Variants in ILDR1 observed in about 807,000 individuals in gnomAD.
ILDR1 encodes the protein immunoglobulin-like domain-containing receptor 1.
In ILDR1, 56 loss-of-function variants were observed where a neutral mutation model predicts 62.4. That is an observed-to-expected ratio of 0.90 (90% CI 0.72 to 1.12). The LOEUF is 1.12. ILDR1 is among the 50% of genes most tolerant of loss of function. The pLI is 0.00. For synonymous variants in ILDR1, 284 were observed against 277.8 expected (o/e 1.02, Z -0.22); for missense variants, 736 against 710.6 (o/e 1.04, Z -0.41).
the ILDR1 span, among the ~76,000 whole-genome samples, chr3:122,049,161 C>T: frequency 6.6e-6 from 1 of 152,140 alleles, no homozygotes. Context: ...TATGTTGTTG[C>T]ATTTCCACAT....
chr3:122,006,632 T>C (rs1033201190), intron 2 of ILDR1, among the ~76,000 whole-genome samples: 1 of 152,070 alleles, frequency 6.6e-6, no homozygotes, highest in African/African-American at 2.4e-5. Context: ...CTTGCCTGCA[T>C]TCTAAGGTGG....
At chr3:122,041,960 CA>C in the ILDR1 span, among the ~76,000 whole-genome samples, 1 of 143,964 alleles carries the variant, frequency 6.9e-6, no homozygotes, top group African/African-American at 2.6e-5. Context: ...TACATGTGCA[CA>C]TTGTGCAGGT....
At chr3:122,047,458 T>C in the ILDR1 span, among the ~76,000 whole-genome samples, 1 of 152,264 alleles carries the variant, frequency 6.6e-6, no homozygotes, top group Non-Finnish European at 1.5e-5. Context: ...TGGAGCTTCC[T>C]GGCTGCTTTG....
chr3:122,023,125 C>A (rs556497516), upstream of ILDR1, among the ~76,000 whole-genome samples: 62 of 150,854 alleles, frequency 4.1e-4, 1 homozygote, highest in South Asian at 0.013. Context: ...TTTATTTATT[C>A]TATTATTTAT....
the ILDR1 span, among the ~76,000 whole-genome samples, chr3:122,042,014 C>T: frequency 1.5e-5 from 2 of 134,970 alleles, no homozygotes; most frequent in East Asian, 2.2e-4. Flanking sequence ...GCGCTGCACC[C>T]ACTAACTCGT....
chr3:122,059,615 T>C, the ILDR1 span, among the ~76,000 whole-genome samples: 1 of 151,980 alleles, frequency 6.6e-6, no homozygotes, highest in African/African-American at 2.4e-5. Flanking sequence ...AAAGAGCATA[T>C]TTACCAAGCT....
chr3:122,023,291 C>T (rs1052260036), upstream of ILDR1, among the ~76,000 whole-genome samples: 3 of 152,118 alleles, frequency 2.0e-5, no homozygotes, highest in Non-Finnish European at 4.4e-5. Flanking sequence ...AAGGTTTTGA[C>T]CTTTTGCTTT....
the ILDR1 span, among the ~76,000 whole-genome samples, chr3:122,058,053 G>A: frequency 2.0e-5 from 3 of 152,128 alleles, no homozygotes; most frequent in South Asian, 2.1e-4. Context: ...GTAATATGTC[G>A]TAAAGTAGTT....
At chr3:122,026,017 C>A (rs546013154), upstream of ILDR1, among the ~76,000 whole-genome samples, 5 of 152,044 alleles carry the variant, frequency 3.3e-5, no homozygotes, top group East Asian at 9.6e-4. Context: ...AGCAGAGAGA[C>A]CAGCCTATAC....
intron 5 of ILDR1, among the ~76,000 whole-genome samples, chr3:121,996,240 C>T (rs2071433773): frequency 6.6e-6 from 1 of 152,182 alleles, no homozygotes; most frequent in African/African-American, 2.4e-5. Flanking sequence ...CCTCTTTGCT[C>T]CTCAAATGAT....
intron 7 of ILDR1, among the ~76,000 whole-genome samples, chr3:121,988,680 C>G (rs1576709790): frequency 6.6e-6 from 1 of 152,330 alleles, no homozygotes; most frequent in South Asian, 2.1e-4. Flanking sequence ...GCCTCTTGCT[C>G]TGTTTTCTAA....
the ILDR1 span, among the ~76,000 whole-genome samples, chr3:122,057,101 A>G: frequency 6.6e-6 from 1 of 152,246 alleles, no homozygotes; most frequent in African/African-American, 2.4e-5. Context: ...CAAGCAATCA[A>G]GAACCCTCTA....
the ILDR1 span, among the ~76,000 whole-genome samples, chr3:122,050,040 A>T: frequency 1.3e-5 from 2 of 152,228 alleles, no homozygotes; most frequent in African/African-American, 2.4e-5. Flanking sequence ...TTGCACAAAC[A>T]GACGAAGATA....
intron 5 of ILDR1, among the ~76,000 whole-genome samples, chr3:121,996,821 C>T (rs2071444018): frequency 6.6e-6 from 1 of 152,202 alleles, no homozygotes; most frequent in African/African-American, 2.4e-5. Flanking sequence ...TTCTCAACAA[C>T]CCTTTGGTCA....
At chr3:121,990,018 A>T (rs1174018538) in intron 7 of ILDR1, among the ~76,000 whole-genome samples, 1 of 152,234 alleles carries the variant, frequency 6.6e-6, no homozygotes, top group Non-Finnish European at 1.5e-5. Flanking sequence ...AGCCTGCTTT[A>T]GGAAAATAGT....
At chr3:122,019,191 T>C (rs761593777) in intron 1 of ILDR1, among the ~76,000 whole-genome samples, 2 of 152,216 alleles carry the variant, frequency 1.3e-5, no homozygotes, top group African/African-American at 4.8e-5. Context: ...TAGCCAACAA[T>C]GGTACTTACT....
chr3:122,001,874 A>T lies in ILDR1; in HGVS notation c.380-10T>A, dbSNP rs748442864. 1.2e-6 allele frequency: 2 copies of T among 1,612,878 alleles called. No individual in the cohort carries two copies. Among genetic ancestry groups the T allele is most frequent in the African/African-American group, 2.7e-5 (2 of 74,870 alleles). ...ATCACGAGATCTGCTCCTACACAGT[A>T]AGGAGGGAGAAAGTGCCAGTGTCAG... On this transcript the variant is annotated splice_polypyrimidine_tract_variant and intron_variant, in intron 3 of 7. Coordinates refer to ENST00000344209, the MANE Select transcript of ILDR1 (RefSeq NM_001199799.2).
intron 1 of ILDR1, among the ~76,000 whole-genome samples, chr3:122,017,585 C>G (rs2071794286): frequency 6.6e-6 from 1 of 152,154 alleles, no homozygotes; most frequent in Admixed American, 6.5e-5. Flanking sequence ...ACAAGACAAA[C>G]TATCATCAGA....
chr3:121,997,233 C>A (rs2071450297), intron 5 of ILDR1, among the ~76,000 whole-genome samples: 1 of 152,182 alleles, frequency 6.6e-6, no homozygotes, highest in African/African-American at 2.4e-5. Flanking sequence ...GTCACTTAGT[C>A]TATTTGCTTT....
Sources: gnomAD v4.1 joint callset for allele counts (sites outside exome capture counted in the v4.1 genomes callset) on GRCh38, gnomAD v4.1.1 for gene constraint, MANE v1.5 for transcripts, NCBI Gene and HGNC (gene_info 2026-07-23, HGNC 2026-07-21) for gene names.